CACNB2: variants seen among roughly 807,000 people sequenced by gnomAD.
CACNB2 encodes the protein calcium voltage-gated channel auxiliary subunit beta 2, also known as voltage-dependent L-type calcium channel subunit beta-2.
Under a neutral mutation model 73.3 loss-of-function variants are expected in CACNB2, and 42 were observed. The observed-to-expected ratio is 0.57, with a 90% CI of 0.45 to 0.74. CACNB2 has a LOEUF of 0.74. Ranked by LOEUF, CACNB2 falls within the 30% of genes least tolerant of loss-of-function variation. The pLI is 0.00. For synonymous variants in CACNB2, 348 were observed against 310.3 expected (o/e 1.12, Z -1.28); for missense variants, 940 against 853.0 (o/e 1.10, Z -1.27).
intron 2 of CACNB2, among the ~76,000 whole-genome samples, chr10:18,337,252 C>G (rs1374318300): frequency 6.6e-6 from 1 of 152,152 alleles, no homozygotes; most frequent in African/African-American, 2.4e-5. Context: ...ATCTCAGCCT[C>G]CTGAGTAGCT....
At position 18,464,418 on chromosome 10, in the gene CACNB2, T is replaced by TTA. The variant is rs1360690647; in HGVS notation, c.334-33937_334-33936insTA. 3.6e-3 allele frequency among the ~76,000 whole-genome samples: 310 copies of TTA among 85,288 alleles called. 8 individuals are homozygous for TTA. The highest frequency in any genetic ancestry group is 0.016 in the South Asian group (30 of 1,888). The allele number at this position is 85,288 out of a possible 152,430, so 56.0% of individuals were successfully genotyped here. A position where few individuals can be genotyped will look rare whatever the true frequency, so the allele number is the denominator to read the frequency against. ...CAGAGTGAGACCCTGTCTCAAAAATTAAAAAAAAAAAAAAAAAAAAAAGAA... is the reference window on the plus strand; with the variant it reads ...CAGAGTGAGACCCTGTCTCAAAAATTTAAAAAAAAAAAAAAAAAAAAAAAGAA... On this transcript the variant is annotated intron_variant, in intron 3 of 13. Transcript: ENST00000324631.
chr10:18,152,952 G>T (rs1286918567), intron 2 of CACNB2, among the ~76,000 whole-genome samples: 2 of 152,110 alleles, frequency 1.3e-5, no homozygotes, highest in Admixed American at 6.5e-5. Context: ...TTTTCAAATG[G>T]TATTTTTGGC....
At chr10:18,298,658 G>A (rs2039376982) in intron 2 of CACNB2, among the ~76,000 whole-genome samples, 1 of 152,184 alleles carries the variant, frequency 6.6e-6, no homozygotes. Flanking sequence ...CTTAGTGCAG[G>A]CTGGCTGTGA....
At chr10:18,437,361 T>C (rs2046189077) in intron 3 of CACNB2, among the ~76,000 whole-genome samples, 1 of 151,476 alleles carries the variant, frequency 6.6e-6, no homozygotes, top group Non-Finnish European at 1.5e-5. Flanking sequence ...ATGGACCCCC[T>C]ACAAAGCCAA....
chr10:18,281,890 G>C (rs2038563517), intron 2 of CACNB2, among the ~76,000 whole-genome samples: 1 of 146,202 alleles, frequency 6.8e-6, no homozygotes, highest in Admixed American at 7.1e-5. Context: ...TAAGGCAGGA[G>C]AATCACTGGA....
intron 2 of CACNB2, among the ~76,000 whole-genome samples, chr10:18,386,078 A>G (rs1386297448): frequency 6.6e-6 from 1 of 152,222 alleles, no homozygotes; most frequent in Non-Finnish European, 1.5e-5. Context: ...GTGTGAGAGG[A>G]CCACACTAAC....
chr10:18,436,611 A>ATTTG (rs950129259), intron 3 of CACNB2, among the ~76,000 whole-genome samples: 3 of 152,138 alleles, frequency 2.0e-5, no homozygotes, highest in East Asian at 3.9e-4. Flanking sequence ...TGCAAAGCAT[A>ATTTG]TTTGTTTGTT....
At chr10:18,498,776 T>C (rs929084465) in intron 4 of CACNB2, 40 of 344,524 alleles carry the variant, frequency 1.2e-4, no homozygotes, top group African/African-American at 7.2e-4. Flanking sequence ...TTTTTTTTAA[T>C]GTTTCACCTT....
intron 2 of CACNB2, among the ~76,000 whole-genome samples, chr10:18,187,946 C>A (rs1239429407): frequency 6.6e-6 from 1 of 152,010 alleles, no homozygotes. Context: ...GTGGTGGTGG[C>A]GAACAAGGCT....
At chr10:18,445,881 A>G (rs1564557887) in intron 3 of CACNB2, among the ~76,000 whole-genome samples, 1 of 152,186 alleles carries the variant, frequency 6.6e-6, no homozygotes, top group Admixed American at 6.5e-5. Flanking sequence ...CAAAAATACA[A>G]AAATTAGCTG....
chr10:18,495,595 A>G (rs1315796121), intron 3 of CACNB2, among the ~76,000 whole-genome samples: 18 of 119,506 alleles, frequency 1.5e-4, no homozygotes, highest in Middle Eastern at 4.8e-3. Flanking sequence ...GTGTGTGTAT[A>G]AGAGATGAGG....
chr10:18,174,771 T>C (rs2033481765), intron 2 of CACNB2, among the ~76,000 whole-genome samples: 1 of 152,150 alleles, frequency 6.6e-6, no homozygotes, highest in Admixed American at 6.6e-5. Flanking sequence ...GACAAGTATG[T>C]GTGCCAGATG....
intron 2 of CACNB2, among the ~76,000 whole-genome samples, chr10:18,317,868 G>A (rs1033851346): frequency 1.3e-5 from 2 of 152,084 alleles, no homozygotes; most frequent in African/African-American, 4.8e-5. Context: ...AAGAACATGA[G>A]GTCTTTATGC....
At chr10:18,313,243 A>C (rs907826752) in intron 2 of CACNB2, among the ~76,000 whole-genome samples, 1 of 151,038 alleles carries the variant, frequency 6.6e-6, no homozygotes, top group Non-Finnish European at 1.5e-5. Context: ...CTAGTATCGC[A>C]AAAACAGTTT....
chr10:18,220,243 A>G (rs1356405097), intron 2 of CACNB2, among the ~76,000 whole-genome samples: 945 of 89,322 alleles, frequency 0.011, 81 homozygotes, highest in African/African-American at 0.051. Flanking sequence ...AGAGAGAGAG[A>G]GAGAGAGAGA....
At chr10:18,236,606 G>A (rs543312419) in intron 2 of CACNB2, among the ~76,000 whole-genome samples, 1 of 152,244 alleles carries the variant, frequency 6.6e-6, no homozygotes, top group South Asian at 2.1e-4. Flanking sequence ...AAACTTACTG[G>A]TTTGAGATCA....
intron 2 of CACNB2, among the ~76,000 whole-genome samples, chr10:18,349,418 A>T (rs575623216): frequency 6.6e-6 from 1 of 152,330 alleles, no homozygotes; most frequent in Admixed American, 6.5e-5. Flanking sequence ...CCAATTGTTG[A>T]TGCAGTATCT....
At chr10:18,328,463 C>A (rs909800953) in intron 2 of CACNB2, among the ~76,000 whole-genome samples, 1 of 152,142 alleles carries the variant, frequency 6.6e-6, no homozygotes, top group East Asian at 1.9e-4. Flanking sequence ...GTATCATACT[C>A]ATTATATTCA....
chr10:18,465,234 G>C (rs2047813011), intron 3 of CACNB2, among the ~76,000 whole-genome samples: 1 of 152,196 alleles, frequency 6.6e-6, no homozygotes, highest in Non-Finnish European at 1.5e-5. Flanking sequence ...GAAGGCTGAG[G>C]CAGGAGAATT....
Sources: allele counts gnomAD v4.1 joint callset (sites outside exome capture counted in the v4.1 genomes callset), GRCh38; gene constraint gnomAD v4.1.1; transcripts MANE v1.5; gene names NCBI Gene and HGNC (gene_info 2026-07-23, HGNC 2026-07-21).